LAMA4: variants seen among roughly 807,000 people sequenced by gnomAD.
LAMA4 encodes laminin subunit alpha-4.
In LAMA4, 127 loss-of-function variants were observed where a neutral mutation model predicts 207.1. The ratio of observed to expected loss-of-function variants is 0.61; its 90% CI spans 0.53 to 0.71. LAMA4 has a LOEUF of 0.71. LAMA4 is among the 30% of genes least tolerant of loss of function. The pLI is 0.00. For synonymous variants in LAMA4, 761 were observed against 816.0 expected (o/e 0.93, Z 1.15); for missense variants, 2,093 against 2,246.5 (o/e 0.93, Z 1.38).
In LAMA4 at chr6:112,142,263, C is replaced by A; in HGVS notation, c.2523G>T (p.Gln841His). ...TTCTCGAGTGCACTTCCACAGCTGA[C>A]TGGCCATCAAACATCATGGAGACTT... ...KIQVSMMFDGQSAVEVHSRTS... is the reference protein window; with the variant it reads ...KIQVSMMFDGHSAVEVHSRTS... Residue 841 changes from glutamine (Q) to histidine (H), a missense_variant, in exon 20 of 39, where the codon CAG becomes CAT. Around this residue, in one of 3 missense-constraint regions of LAMA4, gnomAD observed 1,704 missense variants for 1,788.4 expected, o/e 0.95. Transcript: ENST00000230538. 1 of 1,614,086 alleles carries A rather than the reference C, an allele frequency of 6.2e-7. No individual in the cohort carries two copies. Among genetic ancestry groups the A allele is most frequent in the African/African-American group, 1.3e-5 (1 of 75,014 alleles).
intron 2 of LAMA4, among the ~76,000 whole-genome samples, chr6:112,220,715 C>T (rs1554360338): frequency 1.3e-5 from 2 of 152,058 alleles, no homozygotes; most frequent in Non-Finnish European, 2.9e-5. Flanking sequence ...TAGAGTCATA[C>T]CAACAATACT....
chr6:112,253,082 A>G (rs1584032675), intron 2 of LAMA4, among the ~76,000 whole-genome samples: 5 of 152,344 alleles, frequency 3.3e-5, no homozygotes, highest in Admixed American at 3.3e-4. Context: ...TTAGTTGTAC[A>G]GTTGCTGTAA....
intron 5 of LAMA4, among the ~76,000 whole-genome samples, chr6:112,200,847 A>G (rs1783700281): frequency 6.6e-6 from 1 of 152,058 alleles, no homozygotes; most frequent in African/African-American, 2.4e-5. Flanking sequence ...ACACATGGGC[A>G]CAGGGAGGGG....
intron 12 of LAMA4, among the ~76,000 whole-genome samples, chr6:112,167,676 T>C (rs574432708): frequency 7.2e-5 from 11 of 152,182 alleles, no homozygotes; most frequent in Non-Finnish European, 1.6e-4. Context: ...ATCAAATCTG[T>C]ATTACTTGAC....
chr6:112,194,030 G>A (rs1374892791), intron 5 of LAMA4, among the ~76,000 whole-genome samples: 1 of 152,190 alleles, frequency 6.6e-6, no homozygotes, highest in Non-Finnish European at 1.5e-5. Flanking sequence ...AACCCACAAA[G>A]AGACACCCCA....
intron 11 of LAMA4, among the ~76,000 whole-genome samples, chr6:112,173,551 A>C (rs1056988955): frequency 2.6e-5 from 4 of 152,138 alleles, no homozygotes; most frequent in Non-Finnish European, 4.4e-5. Context: ...TTCTCCAGGG[A>C]AGTCTTGTTA....
chr6:112,116,831 T>G (rs2114569276), intron 35 of LAMA4, among the ~76,000 whole-genome samples: 1 of 152,334 alleles, frequency 6.6e-6, no homozygotes, highest in Non-Finnish European at 1.5e-5. Context: ...TTAAGAGTTC[T>G]TATCACTGAA....
At chr6:112,242,679 G>A (rs1234859722) in intron 2 of LAMA4, among the ~76,000 whole-genome samples, 1 of 152,096 alleles carries the variant, frequency 6.6e-6, no homozygotes, top group Non-Finnish European at 1.5e-5. Context: ...CATAGCCAGC[G>A]ACAATCAGCG....
At chr6:112,140,707 A>G in intron 22 of LAMA4, 53 bp downstream of exon 22, 1 of 1,556,380 alleles carries the variant, frequency 6.4e-7, no homozygotes, top group Middle Eastern at 1.7e-4. Context: ...ATGGATTTAT[A>G]AAAACAATTA....
Position 112,109,441 on chromosome 6 carries a change from G to A in LAMA4, c.5468C>T (p.Ala1823Val). ...GGGCAGCTGTGCTCTGTCATGTCAG[G>A]CTGCTGGACAGGAGTTGATGCTTAC... ...GAVSINSCPA[A>V] The change falls in exon 39 of 39, where the codon GCC (alanine) becomes GTC (valine). Residue 1823 changes from alanine (A) to valine (V), a missense_variant. Around this residue, in one of 3 missense-constraint regions of LAMA4, gnomAD observed 383 missense variants for 437.8 expected, o/e 0.87. Transcript: ENST00000230538. 1 of 1,613,898 alleles carries A rather than the reference G, an allele frequency of 6.2e-7. No homozygotes were observed. The highest frequency in any genetic ancestry group is 1.3e-5 in the African/African-American group (1 of 75,034).
intron 2 of LAMA4, among the ~76,000 whole-genome samples, chr6:112,238,895 C>T (rs1371316406): frequency 6.6e-6 from 1 of 152,160 alleles, no homozygotes; most frequent in South Asian, 2.1e-4. Flanking sequence ...AAATGAGTTA[C>T]TACTTAATAC....
chr6:112,184,133 C>T (rs1427413975), intron 9 of LAMA4, among the ~76,000 whole-genome samples: 8 of 151,684 alleles, frequency 5.3e-5, no homozygotes, highest in Non-Finnish European at 8.8e-5. Context: ...GTGCCATTGC[C>T]GGGAACTAGG....
intron 2 of LAMA4, among the ~76,000 whole-genome samples, chr6:112,227,809 G>C (rs1443140217): frequency 6.6e-6 from 1 of 152,106 alleles, no homozygotes; most frequent in African/African-American, 2.4e-5. Context: ...TATAATATTT[G>C]AGTGGCTACT....
chr6:112,125,442 T>C (rs1366591129), intron 31 of LAMA4, among the ~76,000 whole-genome samples: 1 of 152,190 alleles, frequency 6.6e-6, no homozygotes, highest in Non-Finnish European at 1.5e-5. Flanking sequence ...GCCCACTAGC[T>C]CGGAAATCAG....
rs1554190439 is a variant in LAMA4, at chr6:112,253,945, G to A, written c.195+11C>T. On this transcript the variant is annotated intron_variant, in intron 2 of 38. Transcript: ENST00000230538. ...TGCCCCAGCAGGGTGGCAATGGCAG[G>A]GACACTGTACCTCGGCCGCAGGCGG... 6.2e-7 allele frequency: 1 copy of A among 1,604,488 alleles called. No homozygotes were observed. The highest frequency in any genetic ancestry group is 1.1e-5 in the South Asian group (1 of 90,160).
intron 12 of LAMA4, 144 bp from the exon 13 acceptor site, chr6:112,165,420 G>A: frequency 4.2e-6 from 3 of 711,060 alleles, no homozygotes; most frequent in Non-Finnish European, 5.2e-6. Context: ...GTGTGCCTTT[G>A]GGGAATGCTA....
At chr6:112,168,859 G>A (rs984617091) in intron 12 of LAMA4, among the ~76,000 whole-genome samples, 1 of 152,154 alleles carries the variant, frequency 6.6e-6, no homozygotes, top group African/African-American at 2.4e-5. Flanking sequence ...ATGAGTAGGC[G>A]AGGCACTCTA....
intron 25 of LAMA4, 57 bp downstream of exon 25, chr6:112,136,066 A>G: frequency 6.7e-7 from 1 of 1,485,084 alleles, no homozygotes; most frequent in Non-Finnish European, 9.3e-7. Context: ...TGATTAGATC[A>G]ACAGATCTAA....
chr6:112,142,271 C>G lies in LAMA4; in HGVS notation c.2515G>C (p.Asp839His). ...TGCACTTCCACAGCTGACTGGCCAT[C>G]AAACATCATGGAGACTTGGATCTGG... ...ASKIQVSMMF[D>H]GQSAVEVHSR... Residue 839 changes from aspartate (D) to histidine (H), a missense_variant, in exon 20 of 39, where the codon GAT becomes CAT. Asp to His is a moderately conservative substitution (Grantham distance 81). Coordinates refer to ENST00000230538, the MANE Select transcript of LAMA4 (RefSeq NM_001105206.3). 3.1e-6 allele frequency: 5 copies of G among 1,614,072 alleles called. No individual in the cohort carries two copies. Among genetic ancestry groups the G allele is most frequent in the South Asian group, 1.1e-5 (1 of 91,078 alleles).
Sources: allele counts gnomAD v4.1 joint callset (sites outside exome capture counted in the v4.1 genomes callset), GRCh38; gene constraint gnomAD v4.1.1; regional missense constraint gnomAD v4.1.1; transcripts MANE v1.5; gene names NCBI Gene and HGNC (gene_info 2026-07-23, HGNC 2026-07-21).